The following SCFD1 variants were observed in gnomAD, a reference collection of about 807,000 sequenced individuals.
The protein encoded by SCFD1 is sec1 family domain-containing protein 1.
In SCFD1, 37 loss-of-function variants were observed where a neutral mutation model predicts 103.2. The ratio of observed to expected loss-of-function variants is 0.36; its 90% CI spans 0.28 to 0.47. The LOEUF is 0.47. Ranked by LOEUF, SCFD1 falls within the 20% of genes least tolerant of loss-of-function variation. The probability of loss-of-function intolerance (pLI) is 1.00; values close to 1 mark genes in which losing one functional copy is unlikely to be tolerated. For missense variants in SCFD1, 639 were observed against 761.2 expected (o/e 0.84, Z 1.89); for synonymous variants, 264 against 245.0 (o/e 1.08, Z -0.73).
At chr14:30,632,065 AAAAAAAG>A (rs1219215726) in intron 3 of SCFD1, among the ~76,000 whole-genome samples, 1 of 151,216 alleles carries the variant, frequency 6.6e-6, no homozygotes, top group African/African-American at 2.4e-5. Context: ...AAAAAAAAAA[AAAAAAAG>A]AACGTTTGGA....
intron 4 of SCFD1, among the ~76,000 whole-genome samples, chr14:30,637,433 T>C (rs546108931): frequency 1.3e-5 from 2 of 152,202 alleles, no homozygotes; most frequent in East Asian, 1.9e-4. Context: ...TCACAAAGGC[T>C]CCAACCCCTC....
At chr14:30,668,406 G>A (rs1184481156) in intron 10 of SCFD1, among the ~76,000 whole-genome samples, 27 of 152,102 alleles carry the variant, frequency 1.8e-4, no homozygotes, top group Admixed American at 1.6e-3. Flanking sequence ...ATTCAAGATG[G>A]ATTAAAGACT....
At chr14:30,730,494 A>G (rs1275382359) in intron 23 of SCFD1, among the ~76,000 whole-genome samples, 2 of 152,090 alleles carry the variant, frequency 1.3e-5, no homozygotes, top group Non-Finnish European at 2.9e-5. Flanking sequence ...AAGTGTTCCT[A>G]TTTCTCCACA....
At chr14:30,684,289 G>C (rs1015722344) in intron 14 of SCFD1, among the ~76,000 whole-genome samples, 1 of 152,184 alleles carries the variant, frequency 6.6e-6, no homozygotes, top group Admixed American at 6.5e-5. Context: ...GGGATTACAG[G>C]TGCATGCCAC....
At position 30,724,851 on chromosome 14, in the gene SCFD1, T is replaced by C. The variant is rs140298383; in HGVS notation, c.1836+2292T>C. On this transcript the variant is annotated intron_variant, in intron 23 of 24. Coordinates refer to ENST00000458591, the MANE Select transcript of SCFD1 (RefSeq NM_016106.4). ...ATTTGAGTCTTTAATCCATCTTGAG[T>C]TGATTTTTGTATGTGGTGTAAGGAA... Among the ~76,000 whole-genome samples, 35 of 152,244 alleles carry C rather than the reference T, an allele frequency of 2.3e-4. 2 individuals are homozygous for C. In the East Asian group the frequency reaches 6.8e-3, roughly 29 times the overall value.
chr14:30,721,822 C>T (rs1276692680), intron 21 of SCFD1, 62 bp from the exon 22 acceptor site: 29 of 1,309,376 alleles, frequency 2.2e-5, no homozygotes, highest in Non-Finnish European at 3.2e-5. Context: ...ATTTCCCATA[C>T]CTATTTTATT....
At chr14:30,707,562 T>C (rs949856848) in intron 18 of SCFD1, among the ~76,000 whole-genome samples, 1 of 152,212 alleles carries the variant, frequency 6.6e-6, no homozygotes, top group Non-Finnish European at 1.5e-5. Context: ...ATATATATTT[T>C]CAATATGTTC....
At chr14:30,664,175 C>T (rs1887703535) in intron 10 of SCFD1, among the ~76,000 whole-genome samples, 1 of 152,100 alleles carries the variant, frequency 6.6e-6, no homozygotes, top group African/African-American at 2.4e-5. Context: ...GATGAAGCTT[C>T]CAGAGGAAGG....
intron 20 of SCFD1, 30 bp from the exon 21 acceptor site, chr14:30,719,295 G>A: frequency 3.5e-6 from 5 of 1,442,594 alleles, no homozygotes; most frequent in Non-Finnish European, 4.8e-6. Context: ...AAATTCCACA[G>A]TCATGGTAAA....
chr14:30,646,715 T>C (rs1336858751), intron 7 of SCFD1, among the ~76,000 whole-genome samples: 1 of 152,200 alleles, frequency 6.6e-6, no homozygotes, highest in Non-Finnish European at 1.5e-5. Context: ...TCTTTGTATA[T>C]CTGTTAGAAT....
intron 10 of SCFD1, among the ~76,000 whole-genome samples, chr14:30,665,536 A>G (rs1761377861): frequency 6.6e-6 from 1 of 152,198 alleles, no homozygotes; most frequent in Non-Finnish European, 1.5e-5. Flanking sequence ...AAATTCACAC[A>G]TAATAATATT....
intron 10 of SCFD1, among the ~76,000 whole-genome samples, chr14:30,665,657 G>A (rs1420716702): frequency 6.6e-6 from 1 of 152,124 alleles, no homozygotes; most frequent in Non-Finnish European, 1.5e-5. Flanking sequence ...CATCACATGT[G>A]CAGAGACACA....
At position 30,703,910 on chromosome 14, in the gene SCFD1, C is replaced by CATAT. The variant is rs71443380; in HGVS notation, c.1490+1585_1490+1588dup. ...ATTTTTTCAGATTTGGGAATATTTGCATATATATATATATATATATATATA... is the reference window on the plus strand; with the variant it reads ...ATTTTTTCAGATTTGGGAATATTTGCATATATATATATATATATATATATATATA... On this transcript the variant is annotated intron_variant, in intron 17 of 24. Coordinates refer to ENST00000458591, the MANE Select transcript of SCFD1 (RefSeq NM_016106.4). Among the ~76,000 whole-genome samples the CATAT allele has an allele frequency of 5.0e-3, 198 of 39,372 alleles. 3 individuals carry two copies. Among genetic ancestry groups the CATAT allele is most frequent in the Non-Finnish European group, 8.1e-3 (126 of 15,652 alleles). 25.8% of individuals were successfully genotyped at this position (39,372 alleles called of 152,430 possible). A position where few individuals can be genotyped will look rare whatever the true frequency, so the allele number is the denominator to read the frequency against.
chr14:30,645,527 G>T (rs1007891916), intron 7 of SCFD1, among the ~76,000 whole-genome samples: 2 of 152,052 alleles, frequency 1.3e-5, no homozygotes, highest in Non-Finnish European at 2.9e-5. Flanking sequence ...AATTCTTGTT[G>T]TAGAGCTCTC....
intron 1 of SCFD1, among the ~76,000 whole-genome samples, chr14:30,627,940 A>G (rs1883691463): frequency 6.6e-6 from 1 of 151,548 alleles, no homozygotes; most frequent in Admixed American, 6.6e-5. Flanking sequence ...TATTGAGGCC[A>G]TTGCAAGTTC....
intron 1 of SCFD1, among the ~76,000 whole-genome samples, chr14:30,627,148 A>G (rs1883554215): frequency 6.6e-6 from 1 of 152,176 alleles, no homozygotes; most frequent in Admixed American, 6.5e-5. Context: ...TTCACGAAGA[A>G]GTATATTAAG....
At chr14:30,656,946 T>A (rs1886962810) in intron 10 of SCFD1, among the ~76,000 whole-genome samples, 1 of 151,494 alleles carries the variant, frequency 6.6e-6, no homozygotes, top group African/African-American at 2.4e-5. Flanking sequence ...GGATTGGAGG[T>A]TAAAGAGTTG....
At chr14:30,721,802 A>G (rs2139411704) in intron 21 of SCFD1, 82 bp from the exon 22 acceptor site, 4 of 1,082,008 alleles carry the variant, frequency 3.7e-6, no homozygotes, top group South Asian at 2.6e-5. Flanking sequence ...CTAATAGTGC[A>G]TGTGTGTGTA....
chr14:30,707,823 T>TCTTTC (rs751154860), intron 18 of SCFD1, 167 bp from the exon 19 acceptor site: 12 of 701,088 alleles, frequency 1.7e-5, no homozygotes, highest in Non-Finnish European at 3.2e-5. Context: ...GCAGCTGTGA[T>TCTTTC]ACCCATGGCA....
Sources: gnomAD v4.1 joint callset for allele counts (sites outside exome capture counted in the v4.1 genomes callset) on GRCh38, gnomAD v4.1.1 for gene constraint, MANE v1.5 for transcripts, NCBI Gene and HGNC (gene_info 2026-07-23, HGNC 2026-07-21) for gene names.